Variants in CCSER1 observed in about 807,000 individuals in gnomAD.
CCSER1 encodes the protein serine-rich coiled-coil domain-containing protein 1.
A neutral mutation model predicts 82.0 loss-of-function variants in CCSER1; 41 were observed. That is an observed-to-expected ratio of 0.50 (90% confidence interval 0.39 to 0.65). The LOEUF is 0.65. CCSER1 is among the 30% of genes least tolerant of loss of function. The pLI is 0.00. For missense variants in CCSER1, 1,119 were observed against 1,064.2 expected, an observed-to-expected ratio of 1.05 and a Z score of -0.72; for synonymous variants, 414 against 383.9, an observed-to-expected ratio of 1.08 and a Z score of -0.92.
At chr4:90,620,904 C>T (rs1722198040) in intron 5 of CCSER1, among the ~76,000 whole-genome samples, 1 of 152,140 alleles carries the variant, frequency 6.6e-6, no homozygotes, top group African/African-American at 2.4e-5. Flanking sequence ...ACCTCCACCT[C>T]CTGGGTTCAA....
intron 7 of CCSER1, among the ~76,000 whole-genome samples, chr4:90,805,964 G>A (rs1757443066): frequency 6.6e-6 from 1 of 152,034 alleles, no homozygotes; most frequent in African/African-American, 2.4e-5. Context: ...AATTTTGATG[G>A]GTTATTGCTA....
chr4:90,770,273 CTG>C (rs1470001780), intron 7 of CCSER1, among the ~76,000 whole-genome samples: 1 of 152,122 alleles, frequency 6.6e-6, no homozygotes, highest in East Asian at 1.9e-4. Flanking sequence ...CTCACAGAAA[CTG>C]TGTGAGATGA....
chr4:90,730,791 G>T (rs1417660506), intron 7 of CCSER1, among the ~76,000 whole-genome samples: 2 of 152,074 alleles, frequency 1.3e-5, no homozygotes, highest in Non-Finnish European at 2.9e-5. Context: ...AACTGCAAAA[G>T]CAAGAGAATA....
intron 9 of CCSER1, among the ~76,000 whole-genome samples, chr4:91,070,614 A>C (rs537038625): frequency 6.6e-6 from 1 of 152,284 alleles, no homozygotes; most frequent in Admixed American, 6.5e-5. Context: ...TGGCTGCATT[A>C]GATTCTTATG....
intron 10 of CCSER1, among the ~76,000 whole-genome samples, chr4:91,209,162 T>G (rs1736590582): frequency 6.6e-6 from 1 of 151,868 alleles, no homozygotes; most frequent in Non-Finnish European, 1.5e-5. Context: ...CTGCAAACAG[T>G]GACAGTTTGA....
intron 1 of CCSER1, among the ~76,000 whole-genome samples, chr4:90,305,056 A>G (rs192516023): frequency 6.6e-6 from 1 of 151,966 alleles, no homozygotes; most frequent in African/African-American, 2.4e-5. Context: ...AGCTGGGACT[A>G]CAGGCGCCCA....
intron 1 of CCSER1, among the ~76,000 whole-genome samples, chr4:90,277,248 A>G (rs187500370): frequency 4.1e-4 from 62 of 152,290 alleles, no homozygotes; most frequent in African/African-American, 1.3e-3. Context: ...AGAGCAATTT[A>G]TGGACTTAAT....
chr4:91,568,269 GCCTTTA>G (rs1762992715), intron 10 of CCSER1, among the ~76,000 whole-genome samples: 4 of 151,988 alleles, frequency 2.6e-5, no homozygotes, highest in South Asian at 2.1e-4. Context: ...TTTCTAAGCT[GCCTTTA>G]ACATTCTTGC....
intron 3 of CCSER1, chr4:90,325,515 CA>C (rs1283846109): frequency 9.6e-6 from 2 of 208,204 alleles, no homozygotes; most frequent in African/African-American, 4.6e-5. Context: ...CGTGAGAGGA[CA>C]ACTGCTTTGT....
intron 5 of CCSER1, among the ~76,000 whole-genome samples, chr4:90,551,698 C>CTA (rs1224770860): frequency 8.4e-6 from 1 of 118,510 alleles, no homozygotes; most frequent in Non-Finnish European, 1.6e-5. Flanking sequence ...CTCTCTCTCT[C>CTA]TCTCTCTCTA....
At chr4:91,058,337 A>G (rs1186338785) in intron 9 of CCSER1, among the ~76,000 whole-genome samples, 1 of 152,110 alleles carries the variant, frequency 6.6e-6, no homozygotes, top group Non-Finnish European at 1.5e-5. Flanking sequence ...AATGTTCTTT[A>G]CAAGGACATG....
At chr4:90,305,672 T>C (rs765213858) in intron 1 of CCSER1, among the ~76,000 whole-genome samples, 1 of 152,214 alleles carries the variant, frequency 6.6e-6, no homozygotes, top group East Asian at 1.9e-4. Context: ...GTTTCACATA[T>C]AGTTTGATTT....
At chr4:90,743,245 G>T (rs1746848507) in intron 7 of CCSER1, among the ~76,000 whole-genome samples, 1 of 152,120 alleles carries the variant, frequency 6.6e-6, no homozygotes, top group South Asian at 2.1e-4. Context: ...TTGGTTAGTG[G>T]CTGATACATA....
At chr4:91,503,913 G>A (rs578182019) in intron 10 of CCSER1, among the ~76,000 whole-genome samples, 30 of 152,246 alleles carry the variant, frequency 2.0e-4, no homozygotes, top group Non-Finnish European at 4.0e-4. Flanking sequence ...CATTGGCGGG[G>A]TATAATGGAG....
chr4:90,754,438 G>A (rs1184344129), intron 7 of CCSER1, among the ~76,000 whole-genome samples: 1 of 152,106 alleles, frequency 6.6e-6, no homozygotes, highest in Non-Finnish European at 1.5e-5. Context: ...GCTATTCTGT[G>A]ATGATACTCA....
At chr4:91,129,552 G>A (rs1727820687) in intron 10 of CCSER1, among the ~76,000 whole-genome samples, 1 of 152,100 alleles carries the variant, frequency 6.6e-6, no homozygotes, top group African/African-American at 2.4e-5. Context: ...GCAATAATAT[G>A]TAAGATATAA....
At chr4:91,129,345 A>G (rs1236034899) in intron 10 of CCSER1, among the ~76,000 whole-genome samples, 2 of 152,054 alleles carry the variant, frequency 1.3e-5, no homozygotes, top group African/African-American at 2.4e-5. Context: ...TCCCCCCAAC[A>G]TGAGGCTACC....
At chr4:91,063,372 G>A (rs558094202) in intron 9 of CCSER1, among the ~76,000 whole-genome samples, 3 of 152,166 alleles carry the variant, frequency 2.0e-5, no homozygotes, top group South Asian at 4.1e-4. Flanking sequence ...CCTGGCTCAC[G>A]ACACACACTT....
chr4:90,251,657 A>G (rs954080293), intron 1 of CCSER1, among the ~76,000 whole-genome samples: 1 of 151,812 alleles, frequency 6.6e-6, no homozygotes, highest in African/African-American at 2.4e-5. Flanking sequence ...ATAAAATAAT[A>G]AAAGACATTG....
Sources: allele counts gnomAD v4.1 joint callset (sites outside exome capture counted in the v4.1 genomes callset), GRCh38; gene constraint gnomAD v4.1.1; transcripts MANE v1.5; gene names NCBI Gene and HGNC (gene_info 2026-07-23, HGNC 2026-07-21).